The following CADPS2 variants were observed in gnomAD, a reference collection of about 807,000 sequenced individuals.
CADPS2 encodes calcium-dependent secretion activator 2.
In CADPS2, 93 loss-of-function variants were observed where a neutral mutation model predicts 172.5. The ratio of observed to expected loss-of-function variants is 0.54; its 90% CI spans 0.46 to 0.64. CADPS2 has a LOEUF of 0.64. Ranked by LOEUF, CADPS2 falls within the 30% of genes least tolerant of loss-of-function variation. CADPS2 has a pLI of 0.00. For missense variants in CADPS2, 1,420 were observed against 1,565.9 expected (o/e 0.91, Z 1.57); for synonymous variants, 546 against 555.2 (o/e 0.98, Z 0.23).
Position 122,731,982 on chromosome 7 carries a change from A to G in CADPS2, c.453+4973T>C, listed in dbSNP as rs192121007. Among the ~76,000 whole-genome samples the G allele has an allele frequency of 2.6e-5, 4 of 151,892 alleles. No homozygotes were observed. The Admixed American group carries it at 2.6e-4, about 10-fold the overall frequency. On this transcript the variant is annotated intron_variant, in intron 2 of 29. Transcript: ENST00000449022. Reference sequence around the variant, plus strand: ...CTTATAATACTTAAGACATCTTATTAAAAATATGATATAAATTATATTGTT... The same window carrying G: ...CTTATAATACTTAAGACATCTTATTGAAAATATGATATAAATTATATTGTT...
At chr7:122,727,528 C>T (rs889082292) in intron 2 of CADPS2, among the ~76,000 whole-genome samples, 1 of 151,680 alleles carries the variant, frequency 6.6e-6, no homozygotes, top group Non-Finnish European at 1.5e-5. Context: ...TAGCCCTGCC[C>T]TCTGCCACAA....
chr7:122,688,052 T>G (rs1444328998), intron 2 of CADPS2, among the ~76,000 whole-genome samples: 3 of 152,234 alleles, frequency 2.0e-5, no homozygotes, highest in Non-Finnish European at 4.4e-5. Flanking sequence ...ATTGTCATTT[T>G]CCATCTCACT....
intron 2 of CADPS2, among the ~76,000 whole-genome samples, chr7:122,694,294 T>C (rs903754835): frequency 1.3e-5 from 2 of 152,122 alleles, no homozygotes; most frequent in Admixed American, 6.5e-5. Flanking sequence ...GAAGAAGTAG[T>C]GGAGATGAGC....
chr7:122,404,066 C>A (rs987428576), intron 20 of CADPS2, among the ~76,000 whole-genome samples: 1 of 151,960 alleles, frequency 6.6e-6, no homozygotes, highest in African/African-American at 2.4e-5. Flanking sequence ...TATGTATACA[C>A]GTGCCATGCT....
At position 122,471,591 on chromosome 7, in the gene CADPS2, A is replaced by G. The variant is rs138617867; in HGVS notation, c.1999-29T>C. 5.9e-6 allele frequency: 9 copies of G among 1,516,034 alleles called. No individual in the cohort carries two copies. In the African/African-American group the frequency reaches 1.1e-4, roughly 19 times the overall value. 93.9% of individuals were successfully genotyped at this position (1,516,034 alleles called of 1,614,324 possible). The stretch of plus-strand genomic sequence containing the variant: ...CAAAATAAAAAAAGAATAGATATAC[A>G]TGTTTTTTCTTTCTATACTACGATT... On this transcript the variant is annotated intron_variant, in intron 13 of 29. Transcript: ENST00000449022.
intron 20 of CADPS2, among the ~76,000 whole-genome samples, chr7:122,400,704 T>C (rs2045845059): frequency 6.6e-6 from 1 of 152,216 alleles, no homozygotes; most frequent in African/African-American, 2.4e-5. Flanking sequence ...TAATCTGGCA[T>C]GCACAGATTT....
At chr7:122,357,439 ATTATT>A (rs1452972152) in intron 27 of CADPS2, 1 of 152,126 alleles carries the variant, frequency 6.6e-6, no homozygotes, top group African/African-American at 2.4e-5. Context: ...TCACAATAGA[ATTATT>A]TTATTATAGT....
Position 122,682,097 on chromosome 7 carries a change from G to T in CADPS2, c.454-18528C>A, listed in dbSNP as rs1208080577. Among the ~76,000 whole-genome samples, 16 of 152,096 alleles carry T rather than the reference G, an allele frequency of 1.1e-4. 1 individual carries two copies. The highest frequency in any genetic ancestry group is 2.4e-4 in the Non-Finnish European group (16 of 68,022). On this transcript the variant is annotated intron_variant, in intron 2 of 29. Transcript: ENST00000449022. The stretch of plus-strand genomic sequence containing the variant: ...TAGTTTAAATTTCCCTAAGCCAACA[G>T]CAAATACTCCTTAACCTTGTACTTA...
At chr7:122,765,567 G>A (rs990930376) in intron 1 of CADPS2, among the ~76,000 whole-genome samples, 4 of 152,176 alleles carry the variant, frequency 2.6e-5, no homozygotes, top group South Asian at 2.1e-4. Context: ...TTGTTACAAT[G>A]TCTATTTAAA....
intron 6 of CADPS2, among the ~76,000 whole-genome samples, chr7:122,592,253 G>A (rs2070944377): frequency 6.6e-6 from 1 of 152,046 alleles, no homozygotes; most frequent in Non-Finnish European, 1.5e-5. Flanking sequence ...ATCATCACTG[G>A]CCATCAGAGA....
intron 8 of CADPS2, among the ~76,000 whole-genome samples, chr7:122,528,333 TACA>T (rs1452097837): frequency 1.3e-5 from 2 of 152,152 alleles, no homozygotes; most frequent in African/African-American, 4.8e-5. Flanking sequence ...TGTCACACAT[TACA>T]ACAACAAAAA....
intron 7 of CADPS2, among the ~76,000 whole-genome samples, chr7:122,579,910 A>C (rs2068577288): frequency 6.6e-6 from 1 of 152,020 alleles, no homozygotes; most frequent in Non-Finnish European, 1.5e-5. Flanking sequence ...CAGACTTACA[A>C]ATCCCTAGAA....
intron 3 of CADPS2, among the ~76,000 whole-genome samples, chr7:122,640,311 T>C (rs2077474733): frequency 6.6e-6 from 1 of 152,178 alleles, no homozygotes; most frequent in South Asian, 2.1e-4. Flanking sequence ...CCCCCTCTCT[T>C]TCTTTGGGTG....
At chr7:122,359,586 A>G (rs1326046694) in intron 27 of CADPS2, among the ~76,000 whole-genome samples, 1 of 152,152 alleles carries the variant, frequency 6.6e-6, no homozygotes, top group Non-Finnish European at 1.5e-5. Context: ...ACAAAGTCCA[A>G]TGTGATATAT....
At chr7:122,767,965 A>G (rs2093604128) in intron 1 of CADPS2, among the ~76,000 whole-genome samples, 1 of 152,124 alleles carries the variant, frequency 6.6e-6, no homozygotes, top group Non-Finnish European at 1.5e-5. Flanking sequence ...TTTGTTCACA[A>G]TTCTAGAAAA....
At chr7:122,781,182 T>C (rs1792621022) in intron 1 of CADPS2, among the ~76,000 whole-genome samples, 1 of 152,236 alleles carries the variant, frequency 6.6e-6, no homozygotes, top group African/African-American at 2.4e-5. Flanking sequence ...GTTGATCATT[T>C]CAATTTGTTG....
At chr7:122,690,833 C>T (rs1231906591) in intron 2 of CADPS2, among the ~76,000 whole-genome samples, 2 of 152,210 alleles carry the variant, frequency 1.3e-5, no homozygotes, top group African/African-American at 2.4e-5. Flanking sequence ...ACTTTGCCCA[C>T]ACTTGGTATC....
intron 1 of CADPS2, among the ~76,000 whole-genome samples, chr7:122,817,747 G>A (rs34582081): frequency 0.18 from 27,406 of 151,610 alleles, 2,602 homozygotes; most frequent in Middle Eastern, 0.27. Context: ...CACTCTTAGC[G>A]GCAAGTCCTG....
At chr7:122,842,209 C>A (rs766297696) in intron 1 of CADPS2, among the ~76,000 whole-genome samples, 1 of 152,250 alleles carries the variant, frequency 6.6e-6, no homozygotes, top group African/African-American at 2.4e-5. Flanking sequence ...TCTTTCCTCC[C>A]TCTGCTTCTG....
Sources: allele counts gnomAD v4.1 joint callset (sites outside exome capture counted in the v4.1 genomes callset), GRCh38; gene constraint gnomAD v4.1.1; transcripts MANE v1.5; gene names NCBI Gene and HGNC (gene_info 2026-07-23, HGNC 2026-07-21).